PBX3: variants seen among roughly 807,000 people sequenced by gnomAD.
The protein encoded by PBX3 is PBX homeobox 3, also known as pre-B-cell leukemia transcription factor 3.
Under a neutral mutation model 48.5 loss-of-function variants are expected in PBX3, and 14 were observed. The observed-to-expected ratio is 0.29, with a 90% CI of 0.19 to 0.45. The LOEUF is 0.45. PBX3 is among the 20% of genes least tolerant of loss of function. The pLI is 1.00. For synonymous variants in PBX3, 210 were observed against 200.3 expected (o/e 1.05, Z -0.41); for missense variants, 386 against 546.7 (o/e 0.71, Z 2.93).
At position 125,929,712 on chromosome 9, in the gene PBX3, C is replaced by T. The variant is rs2132512784; in HGVS notation, c.574C>T (p.Arg192Cys). The change falls in exon 4 of 9, where the codon CGT (arginine) becomes TGT (cysteine). Residue 192 changes from arginine to cysteine, a missense_variant. Around this residue, in one of 4 missense-constraint regions of PBX3, gnomAD observed 74 missense variants for 206.1 expected, o/e 0.36. Coordinates refer to ENST00000373489, the MANE Select transcript of PBX3 (RefSeq NM_006195.6). ...CCTTCTCCGAGAACAGAGTAGAACA[C>T]GTCCCATTTCTCCAAAAGAGATTGA... ...MNLLREQSRT[R>C]PISPKEIERM... 1.9e-6 allele frequency: 3 copies of T among 1,613,658 alleles called. No individual in the cohort carries two copies. Among genetic ancestry groups the T allele is most frequent in the Non-Finnish European group, 1.7e-6 (2 of 1,179,738 alleles).
At chr9:125,930,409 T>C (rs1441923066) in intron 4 of PBX3, among the ~76,000 whole-genome samples, 2 of 152,186 alleles carry the variant, frequency 1.3e-5, no homozygotes, top group South Asian at 2.1e-4. Context: ...TAATATATTG[T>C]ATATGGTAAT....
chr9:125,862,980 C>G (rs1230976996), intron 2 of PBX3, among the ~76,000 whole-genome samples: 1 of 151,944 alleles, frequency 6.6e-6, no homozygotes, highest in Non-Finnish European at 1.5e-5. Flanking sequence ...CTGCTGCAAC[C>G]TCTGCCTCCT....
intron 2 of PBX3, among the ~76,000 whole-genome samples, chr9:125,770,603 G>C (rs1280888099): frequency 6.6e-6 from 1 of 152,134 alleles, no homozygotes; most frequent in Non-Finnish European, 1.5e-5. Flanking sequence ...TAAAAAGCTA[G>C]TGGAAGGGAC....
chr9:125,901,126 A>G (rs1368716810), intron 2 of PBX3, among the ~76,000 whole-genome samples: 4 of 151,744 alleles, frequency 2.6e-5, no homozygotes, highest in African/African-American at 9.7e-5. Context: ...TTTGTAAGTT[A>G]CTATTTCAAT....
chr9:125,822,868 C>A (rs1838693553), intron 2 of PBX3, among the ~76,000 whole-genome samples: 1 of 151,842 alleles, frequency 6.6e-6, no homozygotes, highest in Non-Finnish European at 1.5e-5. Context: ...GTACTTCATA[C>A]TTGTGAAACA....
At chr9:125,770,281 G>A (rs1836908058) in intron 2 of PBX3, among the ~76,000 whole-genome samples, 1 of 152,026 alleles carries the variant, frequency 6.6e-6, no homozygotes, top group Admixed American at 6.6e-5. Flanking sequence ...TGTGTAATAT[G>A]AACTGTTGAA....
chr9:125,960,775 C>T lies in PBX3; in HGVS notation c.935C>T (p.Ala312Val). Residue 312 changes from alanine to valine, a missense_variant, in exon 6 of 9, where the codon GCC becomes GTC. By Grantham distance (64) the Ala-to-Val change is moderately conservative (BLOSUM62 0). Transcript: ENST00000373489. Reference protein sequence around the residue: ...EEANLYAAKTAVTAAHAVAAA... With the variant: ...EEANLYAAKTVVTAAHAVAAA... ...GCCAACCTCTATGCTGCAAAGACGG[C>T]CGTGACAGCTGCACACGCAGTAGCA... is the stretch of plus-strand genomic sequence containing the variant. 6.2e-7 allele frequency: 1 copy of T among 1,614,222 alleles called. No individual in the cohort carries two copies. The highest frequency in any genetic ancestry group is 8.5e-7 in the Non-Finnish European group (1 of 1,180,032).
intron 2 of PBX3, among the ~76,000 whole-genome samples, chr9:125,779,261 T>TTTA (rs1554853831): frequency 6.9e-6 from 1 of 145,232 alleles, no homozygotes; most frequent in African/African-American, 2.6e-5. Context: ...TTTTTTTTTT[T>TTTA]AATTTTTATT....
chr9:125,898,652 A>G (rs1840833157), intron 2 of PBX3, among the ~76,000 whole-genome samples: 2 of 151,918 alleles, frequency 1.3e-5, no homozygotes, highest in South Asian at 4.1e-4. Context: ...GACTTGCCCA[A>G]GGCCATACAA....
intron 3 of PBX3, among the ~76,000 whole-genome samples, chr9:125,926,166 T>C (rs184479578): frequency 1.2e-3 from 185 of 152,310 alleles, no homozygotes; most frequent in Non-Finnish European, 5.9e-5. Context: ...GAAAAAGATA[T>C]ATACGTATAT....
At chr9:125,801,322 T>G (rs1041431750) in intron 2 of PBX3, among the ~76,000 whole-genome samples, 1 of 152,208 alleles carries the variant, frequency 6.6e-6, no homozygotes, top group Non-Finnish European at 1.5e-5. Flanking sequence ...AAAATTCCAT[T>G]GGTGTATCTG....
intron 2 of PBX3, among the ~76,000 whole-genome samples, chr9:125,881,011 T>C (rs1169830878): frequency 6.6e-6 from 1 of 152,242 alleles, no homozygotes; most frequent in African/African-American, 2.4e-5. Context: ...TTAGTTAATG[T>C]TTTTCTCATT....
intron 2 of PBX3, among the ~76,000 whole-genome samples, chr9:125,770,804 CAA>C (rs35341427): frequency 6.6e-6 from 1 of 152,188 alleles, no homozygotes; most frequent in African/African-American, 2.4e-5. Context: ...CAACTACTGA[CAA>C]AAAAAGAACC....
intron 2 of PBX3, among the ~76,000 whole-genome samples, chr9:125,907,709 T>C (rs1588284344): frequency 6.6e-6 from 1 of 152,192 alleles, no homozygotes; most frequent in East Asian, 1.9e-4. Flanking sequence ...GTATTGTAAT[T>C]TATTTGTGTT....
In PBX3 at chr9:125,943,675, A is replaced by G. The variant is rs373889877; in HGVS notation, c.843+8068A>G. On this transcript the variant is annotated intron_variant, in intron 5 of 8. Coordinates refer to ENST00000373489, the MANE Select transcript of PBX3 (RefSeq NM_006195.6). The stretch of plus-strand genomic sequence containing the variant: ...GGTCCCAGCAGAAAACAGATGTCAC[A>G]CTCAAACTGGAATAATTGGAGGACA... Among the ~76,000 whole-genome samples the G allele has an allele frequency of 3.3e-5, 5 of 152,320 alleles. No homozygotes were observed. The South Asian group carries it at 1.0e-3, about 32-fold the overall frequency.
At position 125,966,147 on chromosome 9, in the gene PBX3, C is replaced by T; in HGVS notation, c.*224C>T. The T allele has an allele frequency of 2.5e-6, 1 of 402,244 alleles. No homozygotes were observed. The highest frequency in any genetic ancestry group is 5.0e-5 in the South Asian group (1 of 20,178). The allele number at this position is 402,244 out of a possible 1,614,324, so 24.9% of individuals were successfully genotyped here. ...AAATAAAGCACTTTATCCAATTAGG[C>T]CAAGATTTAACATTGTTGACAGTCC... On this transcript the variant is annotated 3_prime_UTR_variant, in exon 9 of 9. Coordinates refer to ENST00000373489, the MANE Select transcript of PBX3 (RefSeq NM_006195.6).
chr9:125,845,128 A>T (rs1839394400), intron 2 of PBX3: 1 of 152,052 alleles, frequency 6.6e-6, no homozygotes, highest in East Asian at 1.9e-4. Context: ...TTTTGAAGGG[A>T]TTGCTATGTC....
chr9:125,821,351 A>G (rs551622407), intron 2 of PBX3, among the ~76,000 whole-genome samples: 1 of 152,278 alleles, frequency 6.6e-6, no homozygotes, highest in Non-Finnish European at 1.5e-5. Context: ...GCATAGAGGT[A>G]TAAATTTCAA....
chr9:125,889,914 G>A (rs1337986393), intron 2 of PBX3, among the ~76,000 whole-genome samples: 2 of 149,838 alleles, frequency 1.3e-5, no homozygotes, highest in Non-Finnish European at 3.0e-5. Flanking sequence ...AAGCCGCGGG[G>A]CAGAGCGCCC....
Sources: gnomAD v4.1 joint callset for allele counts (sites outside exome capture counted in the v4.1 genomes callset) on GRCh38, gnomAD v4.1.1 for gene constraint, gnomAD v4.1.1 regional missense constraint, MANE v1.5 for transcripts, NCBI Gene and HGNC (gene_info 2026-07-23, HGNC 2026-07-21) for gene names.